The following RNF182 variants were observed in gnomAD, a reference collection of about 807,000 sequenced individuals.
RNF182 encodes ring finger protein 182, also known as E3 ubiquitin-protein ligase RNF182.
Under a neutral mutation model 14.4 loss-of-function variants are expected in RNF182, and 15 were observed. The ratio of observed to expected loss-of-function variants is 1.04; its 90% CI spans 0.70 to 1.60. The LOEUF is 1.60. RNF182 is among the 40% of genes most tolerant of loss of function. RNF182 has a pLI of 0.00. For missense variants in RNF182, 268 were observed against 294.8 expected (o/e 0.91, Z 0.67); for synonymous variants, 128 against 122.9 (o/e 1.04, Z -0.27).
intron 1 of RNF182, among the ~76,000 whole-genome samples, chr6:13,953,033 C>T (rs1241881252): frequency 6.6e-6 from 1 of 152,204 alleles, no homozygotes; most frequent in Non-Finnish European, 1.5e-5. Context: ...AAAACTTAAA[C>T]TAAGAATGCT....
At chr6:13,953,742 T>C (rs1345481809) in intron 1 of RNF182, among the ~76,000 whole-genome samples, 1 of 152,144 alleles carries the variant, frequency 6.6e-6, no homozygotes, top group African/African-American at 2.4e-5. Context: ...CTGCATTCCT[T>C]AGCACTCTGT....
At chr6:13,964,416 A>G (rs1357979536) in intron 1 of RNF182, among the ~76,000 whole-genome samples, 1 of 152,206 alleles carries the variant, frequency 6.6e-6, no homozygotes, top group Admixed American at 6.5e-5. Flanking sequence ...TTAAACTTTT[A>G]TCACAAATTT....
chr6:13,968,007 A>C (rs1450059683), intron 1 of RNF182, among the ~76,000 whole-genome samples: 1 of 152,234 alleles, frequency 6.6e-6, no homozygotes, highest in Non-Finnish European at 1.5e-5. Context: ...AGCTATTTTC[A>C]GTATTTAAGC....
intron 1 of RNF182, among the ~76,000 whole-genome samples, chr6:13,941,924 A>C (rs1272588656): frequency 6.6e-6 from 1 of 152,122 alleles, no homozygotes; most frequent in East Asian, 1.9e-4. Flanking sequence ...ATCTATATTT[A>C]TCATTTATTT....
chr6:13,930,378 A>G (rs1464651003), intron 1 of RNF182, among the ~76,000 whole-genome samples: 3 of 152,196 alleles, frequency 2.0e-5, no homozygotes, highest in Non-Finnish European at 4.4e-5. Context: ...TTTCTGTGGT[A>G]TTGGCCTTGC....
intron 1 of RNF182, among the ~76,000 whole-genome samples, chr6:13,947,589 ATG>A (rs1759471468): frequency 6.6e-6 from 1 of 152,128 alleles, no homozygotes; most frequent in Non-Finnish European, 1.5e-5. Context: ...TCATGGATTT[ATG>A]TGTGTCTGCA....
intron 1 of RNF182, among the ~76,000 whole-genome samples, chr6:13,950,550 T>C (rs1759562159): frequency 7.1e-6 from 1 of 141,474 alleles, no homozygotes; most frequent in Non-Finnish European, 1.5e-5. Flanking sequence ...CACGTTGGAG[T>C]GTGATAACAC....
Position 13,977,365 on chromosome 6 carries a change from C to A in RNF182, c.246C>A (p.Pro82=). 1.2e-6 allele frequency: 2 copies of A among 1,614,134 alleles called. No individual in the cohort carries two copies. The highest frequency in any genetic ancestry group is 1.7e-6 in the Non-Finnish European group (2 of 1,180,018). The change falls in exon 3 of 3, where the codon CCC becomes CCA. Residue 82 remains proline, a synonymous_variant. Coordinates refer to ENST00000488300, the MANE Select transcript of RNF182 (RefSeq NM_152737.4). ...CLPDDEVSSL[P]DDNNILVNLT... is the part of the protein sequence containing the mutation. ...CAGATGATGAAGTTAGTAGCCTGCC[C>A]GATGACAACAACATCCTTGTAAACT...
intron 1 of RNF182, among the ~76,000 whole-genome samples, chr6:13,963,958 A>T (rs1416192380): frequency 2.6e-5 from 4 of 152,194 alleles, no homozygotes; most frequent in East Asian, 1.9e-4. Flanking sequence ...GTAATAAATT[A>T]AAAAATTTGA....
At position 13,960,692 on chromosome 6, in the gene RNF182, T is replaced by TGTGTGTGCGCGCGC. The variant is rs367625022; in HGVS notation, c.-366-13517_-366-13516insTGTGTGCGCGCGCG. 7.3e-3 allele frequency among the ~76,000 whole-genome samples: 1,008 copies of TGTGTGTGCGCGCGC among 137,788 alleles called. 14 individuals carry two copies. Among genetic ancestry groups the TGTGTGTGCGCGCGC allele is most frequent in the African/African-American group, 0.024 (947 of 39,350 alleles). The allele number at this position is 137,788 out of a possible 152,430, so 90.4% of individuals were successfully genotyped here. On this transcript the variant is annotated intron_variant, in intron 1 of 2. Transcript: ENST00000488300. The stretch of plus-strand genomic sequence containing the variant: ...GTGTGTGTGTGTGTGTGTGTGTGTG[T>TGTGTGTGCGCGCGC]GCGCGCGTGCACATGCATGTGATGT...
intron 1 of RNF182, among the ~76,000 whole-genome samples, chr6:13,973,770 CA>C (rs753148542): frequency 1.3e-5 from 2 of 152,152 alleles, no homozygotes; most frequent in African/African-American, 2.4e-5. Flanking sequence ...TCTTTATTAG[CA>C]GCATGAGAAT....
chr6:13,956,808 T>G (rs1009821411), intron 1 of RNF182, among the ~76,000 whole-genome samples: 2 of 152,180 alleles, frequency 1.3e-5, no homozygotes, highest in Non-Finnish European at 2.9e-5. Flanking sequence ...AGAATGTATT[T>G]ATAATTTAAA....
At chr6:13,951,590 A>G (rs755795777) in intron 1 of RNF182, among the ~76,000 whole-genome samples, 2 of 152,240 alleles carry the variant, frequency 1.3e-5, no homozygotes, top group Non-Finnish European at 2.9e-5. Context: ...AAAAGCTCTC[A>G]TAATGCAAGT....
chr6:13,973,229 T>C (rs909615946), intron 1 of RNF182, among the ~76,000 whole-genome samples: 1 of 152,200 alleles, frequency 6.6e-6, no homozygotes, highest in Non-Finnish European at 1.5e-5. Flanking sequence ...TGTACCCCCA[T>C]TATATCTGGG....
At chr6:13,955,110 G>A (rs1759694314) in intron 1 of RNF182, among the ~76,000 whole-genome samples, 1 of 152,236 alleles carries the variant, frequency 6.6e-6, no homozygotes, top group South Asian at 2.1e-4. Flanking sequence ...TAAAGAGCCA[G>A]ATAGTAAATA....
chr6:13,927,742 A>C (rs778687519), intron 1 of RNF182, among the ~76,000 whole-genome samples: 1 of 152,204 alleles, frequency 6.6e-6, no homozygotes, highest in Non-Finnish European at 1.5e-5. Flanking sequence ...ATTCTCTTGC[A>C]ATTTCTAGTT....
chr6:13,958,593 A>G (rs752874157), intron 1 of RNF182, among the ~76,000 whole-genome samples: 1 of 152,172 alleles, frequency 6.6e-6, no homozygotes, highest in Non-Finnish European at 1.5e-5. Flanking sequence ...ACTCTGTGCT[A>G]GCTTATGATA....
At position 13,960,692 on chromosome 6, in the gene RNF182, T is replaced by TGTGCGCGCGC. The variant is rs367625022; in HGVS notation, c.-366-13517_-366-13516insTGCGCGCGCG. ...GTGTGTGTGTGTGTGTGTGTGTGTG[T>TGTGCGCGCGC]GCGCGCGTGCACATGCATGTGATGT... On this transcript the variant is annotated intron_variant, in intron 1 of 2. Transcript: ENST00000488300. Among the ~76,000 whole-genome samples the TGTGCGCGCGC allele has an allele frequency of 3.0e-3, 417 of 137,798 alleles. 8 individuals are homozygous for TGTGCGCGCGC. The highest frequency in any genetic ancestry group is 9.8e-3 in the African/African-American group (386 of 39,356). The allele number at this position is 137,798 out of a possible 152,430, so 90.4% of individuals were successfully genotyped here. A position where few individuals can be genotyped will look rare whatever the true frequency, so the allele number is the denominator to read the frequency against.
chr6:13,952,616 C>G (rs1394897391), intron 1 of RNF182, among the ~76,000 whole-genome samples: 3 of 152,054 alleles, frequency 2.0e-5, no homozygotes, highest in Non-Finnish European at 4.4e-5. Context: ...AAGTGGGGGT[C>G]TCTCCGGTAT....
Sources: allele counts gnomAD v4.1 joint callset (sites outside exome capture counted in the v4.1 genomes callset), GRCh38; gene constraint gnomAD v4.1.1; transcripts MANE v1.5; gene names NCBI Gene and HGNC (gene_info 2026-07-23, HGNC 2026-07-21).